The following ASB3 variants were observed in gnomAD, a reference collection of about 807,000 sequenced individuals.
The protein encoded by ASB3 is ankyrin repeat and SOCS box containing 3.
A neutral mutation model predicts 54.5 loss-of-function variants in ASB3; 41 were observed. That is an observed-to-expected ratio of 0.75 (90% CI 0.59 to 0.98). The LOEUF is 0.98. Ranked by LOEUF, ASB3 falls within the 50% of genes least tolerant of loss-of-function variation. ASB3 has a pLI of 0.00. For synonymous variants in ASB3, 266 were observed against 221.2 expected (o/e 1.20, Z -1.80); for missense variants, 733 against 620.0 (o/e 1.18, Z -1.94).
At chr2:53,728,876 G>C (rs778739045) in intron 4 of ASB3, 29 bp from the exon 5 acceptor site, 1 of 1,533,470 alleles carries the variant, frequency 6.5e-7, no homozygotes, top group Non-Finnish European at 8.8e-7. Flanking sequence ...TTTTAAATAA[G>C]AAAAAAACAA....
intron 5 of ASB3, among the ~76,000 whole-genome samples, chr2:53,724,458 G>A (rs1020168883): frequency 3.9e-5 from 6 of 152,044 alleles, no homozygotes; most frequent in Non-Finnish European, 8.8e-5. Flanking sequence ...AATTAGCCAG[G>A]CATGGTGGCA....
chr2:53,765,111 C>T (rs1341270860), intron 2 of ASB3, among the ~76,000 whole-genome samples: 1 of 152,158 alleles, frequency 6.6e-6, no homozygotes, highest in African/African-American at 2.4e-5. Flanking sequence ...ATTCAAACAG[C>T]AGACTACTTC....
chr2:53,724,406 G>A (rs1036266065), intron 5 of ASB3, among the ~76,000 whole-genome samples: 1 of 152,032 alleles, frequency 6.6e-6, no homozygotes, highest in Non-Finnish European at 1.5e-5. Context: ...AGACCATCCT[G>A]GCTAACACGG....
In ASB3 at chr2:53,729,516, T is replaced by A. The variant is rs766263785; in HGVS notation, c.410A>T (p.Asn137Ile). Residue 137 changes from asparagine to isoleucine, a missense_variant, in exon 4 of 10, where the codon AAT becomes ATT. Transcript: ENST00000263634. ...VLRLLLQHGA[N>I]VNGSHSMCGW... ...ACACATAGAATGGGATCCATTAACA[T>A]TTGCTCCGTGTTGAAGCAACAGCCT... is the stretch of plus-strand genomic sequence containing the variant. The A allele has an allele frequency of 1.1e-5, 17 of 1,613,950 alleles. No homozygotes were observed. The East Asian group carries it at 3.8e-4, about 36-fold the overall frequency.
chr2:53,773,869 T>C (rs1674133571), intron 1 of ASB3, among the ~76,000 whole-genome samples: 1 of 151,956 alleles, frequency 6.6e-6, no homozygotes, highest in East Asian at 2.0e-4. Flanking sequence ...ACCCCTTCTC[T>C]ACTAAAAATA....
At chr2:53,687,709 G>A (rs1222458951) in intron 9 of ASB3, among the ~76,000 whole-genome samples, 1 of 152,100 alleles carries the variant, frequency 6.6e-6, no homozygotes, top group South Asian at 2.1e-4. Flanking sequence ...GTAAGTTAGG[G>A]CTTTGCATAT....
chr2:53,762,600 T>C (rs928133822), intron 2 of ASB3, among the ~76,000 whole-genome samples: 1 of 152,218 alleles, frequency 6.6e-6, no homozygotes, highest in Admixed American at 6.5e-5. Flanking sequence ...TGCTTAATAA[T>C]TATAAGATTT....
chr2:53,751,177 T>C (rs1672491314), intron 2 of ASB3, among the ~76,000 whole-genome samples: 3 of 152,166 alleles, frequency 2.0e-5, no homozygotes, highest in Admixed American at 6.6e-5. Flanking sequence ...CCATTTTCTC[T>C]TCTCTAATTT....
chr2:53,744,376 CT>C (rs2103978588), intron 3 of ASB3, among the ~76,000 whole-genome samples: 1 of 139,176 alleles, frequency 7.2e-6, no homozygotes, highest in East Asian at 2.2e-4. Context: ...CAGAGCGAGA[CT>C]CTGTCTCAAA....
intron 5 of ASB3, among the ~76,000 whole-genome samples, chr2:53,723,856 G>A (rs996033028): frequency 6.6e-6 from 1 of 152,088 alleles, no homozygotes; most frequent in South Asian, 2.1e-4. Context: ...TTCAATAAAC[G>A]GTGCTAGTAT....
intron 3 of ASB3, among the ~76,000 whole-genome samples, chr2:53,732,744 ATAT>A (rs1420215167): frequency 6.6e-6 from 1 of 152,348 alleles, no homozygotes; most frequent in African/African-American, 2.4e-5. Flanking sequence ...GAGCAGAAAA[ATAT>A]TATTTTCACA....
intron 2 of ASB3, among the ~76,000 whole-genome samples, chr2:53,761,571 C>T (rs1673149187): frequency 6.6e-6 from 1 of 152,192 alleles, no homozygotes; most frequent in Non-Finnish European, 1.5e-5. Flanking sequence ...GTTCTCAGTC[C>T]TTTGGCCTCA....
chr2:53,676,882 C>T (rs977094871), intron 9 of ASB3, among the ~76,000 whole-genome samples: 24 of 152,190 alleles, frequency 1.6e-4, no homozygotes, highest in Non-Finnish European at 2.4e-4. Flanking sequence ...AATTCTCCTG[C>T]CTCAGCCTCC....
intron 9 of ASB3, 80 bp from the exon 10 acceptor site, chr2:53,670,770 C>T: frequency 2.7e-6 from 4 of 1,458,194 alleles, no homozygotes; most frequent in Non-Finnish European, 3.7e-6. Context: ...TTTTTTTTCC[C>T]CCAACTCTTA....
intron 3 of ASB3, among the ~76,000 whole-genome samples, chr2:53,740,415 A>C (rs1361191019): frequency 6.6e-6 from 1 of 152,108 alleles, no homozygotes; most frequent in African/African-American, 2.4e-5. Context: ...ATGACAAAGG[A>C]ATTTTTTTTT....
intron 1 of ASB3, chr2:53,767,580 T>C (rs1052873482): frequency 3.2e-6 from 1 of 308,522 alleles, no homozygotes; most frequent in Admixed American, 4.4e-5. Context: ...TTGTGGGTAT[T>C]GTAGTTTTCT....
chr2:53,767,944 A>C, intron 1 of ASB3: 1 of 1,614,098 alleles, frequency 6.2e-7, no homozygotes, highest in Non-Finnish European at 8.5e-7. Flanking sequence ...CTATCAGGAC[A>C]AGCTGGTCGG....
chr2:53,748,165 C>G (rs1672329807), intron 3 of ASB3: 1 of 152,254 alleles, frequency 6.6e-6, no homozygotes, highest in Admixed American at 6.5e-5. Context: ...TTAGTATACA[C>G]TCTGCTTAAT....
chr2:53,716,476 T>C, intron 6 of ASB3, 90 bp downstream of exon 6: 1 of 1,474,760 alleles, frequency 6.8e-7, no homozygotes, highest in Non-Finnish European at 9.1e-7. Flanking sequence ...TATCAAAGAC[T>C]TTGCCTAGAG....
Sources: allele counts gnomAD v4.1 joint callset (sites outside exome capture counted in the v4.1 genomes callset), GRCh38; gene constraint gnomAD v4.1.1; transcripts MANE v1.5; gene names NCBI Gene and HGNC (gene_info 2026-07-23, HGNC 2026-07-21).